Variants in FAM83D observed in about 807,000 individuals in gnomAD.
FAM83D encodes protein FAM83D.
Under a neutral mutation model 25.4 loss-of-function variants are expected in FAM83D, and 26 were observed. That is an observed-to-expected ratio of 1.02 (90% CI 0.75 to 1.42). The LOEUF (loss-of-function observed/expected upper bound fraction) is 1.42. Ranked by LOEUF, FAM83D falls within the 40% of genes most tolerant of loss-of-function variation. FAM83D has a pLI of 0.00. For missense variants in FAM83D, 740 were observed against 758.1 expected, an observed-to-expected ratio of 0.98 and a Z score of 0.28; for synonymous variants, 310 against 318.5, an observed-to-expected ratio of 0.97 and a Z score of 0.28.
rs1051303898 is a variant in FAM83D, at chr20:38,936,095, T to C, written c.484-5864T>C. Among the ~76,000 whole-genome samples, 20 of 151,820 alleles carry C rather than the reference T, an allele frequency of 1.3e-4. 1 individual carries two copies. The highest frequency in any genetic ancestry group is 5.9e-5 in the Non-Finnish European group (4 of 67,962). ...CTGACATTGAGTGGGTGCAGATCTT[T>C]GGTGGAATTCCAAGCATGTTGCACA... On this transcript the variant is annotated intron_variant, in intron 1 of 3. Transcript: ENST00000619850.
At chr20:38,940,887 C>T (rs918974213) in intron 1 of FAM83D, among the ~76,000 whole-genome samples, 6 of 152,202 alleles carry the variant, frequency 3.9e-5, no homozygotes, top group African/African-American at 7.2e-5. Context: ...AATAAACGAG[C>T]AGATACTAAG....
chr20:38,936,182 G>A (rs1030547258), intron 1 of FAM83D, among the ~76,000 whole-genome samples: 1 of 152,144 alleles, frequency 6.6e-6, no homozygotes, highest in African/African-American at 2.4e-5. Flanking sequence ...GTGAGAAGGG[G>A]TGATCGGTAC....
intron 1 of FAM83D, among the ~76,000 whole-genome samples, chr20:38,940,759 A>G (rs732486): frequency 0.15 from 22,880 of 152,072 alleles, 1,899 homozygotes; most frequent in African/African-American, 0.22. Context: ...AGCCTGCAAA[A>G]GGTGTGATTA....
rs374740109 is a variant in FAM83D at position 38,945,585 on chromosome 20, C to T, written c.652-2291C>T. On this transcript the variant is annotated intron_variant, in intron 2 of 3. Transcript: ENST00000619850. Reference sequence around the variant, plus strand: ...CTAATTTACAGACTTATACATTTCCCGGTCGTTCCACTAATGCCCTTTTTT... The same window carrying T: ...CTAATTTACAGACTTATACATTTCCTGGTCGTTCCACTAATGCCCTTTTTT... 1.4e-3 allele frequency among the ~76,000 whole-genome samples: 210 copies of T among 152,220 alleles called. 1 individual carries two copies. In the East Asian group the frequency reaches 0.019, roughly 14 times the overall value.
rs574462769 is a variant in FAM83D at position 38,950,944 on chromosome 20, C to T, written c.777-595C>T. ...AAACAATCCTCCCACCTCAGCCTCC[C>T]GAGTAGCTAGGATTACAGTCATGCA... On this transcript the variant is annotated intron_variant, in intron 3 of 3. Coordinates refer to ENST00000619850, the MANE Select transcript of FAM83D (RefSeq NM_030919.3). Among the ~76,000 whole-genome samples the T allele has an allele frequency of 1.2e-4, 19 of 152,176 alleles. No homozygotes were observed. The East Asian group carries it at 3.3e-3, about 26-fold the overall frequency.
At chr20:38,933,807 C>T (rs745934635) in intron 1 of FAM83D, among the ~76,000 whole-genome samples, 3 of 151,928 alleles carry the variant, frequency 2.0e-5, no homozygotes, top group Non-Finnish European at 4.4e-5. Flanking sequence ...TCTTCATACC[C>T]TCCTTTCCTG....
At chr20:38,926,970 C>G in intron 1 of FAM83D, 45 bp downstream of exon 1, 1 of 1,404,918 alleles carries the variant, frequency 7.1e-7, no homozygotes, top group East Asian at 2.8e-5. Context: ...AGACCCCCTT[C>G]AAGAATGGGA....
rs114124125 is a variant in FAM83D, at chr20:38,941,900, C to T, written c.484-59C>T. 4.8e-4 allele frequency: 739 copies of T among 1,540,504 alleles called. 4 individuals are homozygous for T. The African/African-American group carries it at 8.4e-3, about 17-fold the overall frequency. On this transcript the variant is annotated intron_variant, in intron 1 of 3. Transcript: ENST00000619850. Reference sequence around the variant, plus strand: ...TGAGTGGAGTCCAGAGTCCAGAGAGCGTGCTGTAAGGTGGTGTCCTATAAG... The same window carrying T: ...TGAGTGGAGTCCAGAGTCCAGAGAGTGTGCTGTAAGGTGGTGTCCTATAAG...
intron 2 of FAM83D, among the ~76,000 whole-genome samples, chr20:38,945,966 G>C (rs1473516349): frequency 6.6e-6 from 1 of 151,942 alleles, no homozygotes; most frequent in African/African-American, 2.4e-5. Flanking sequence ...CCAGCACTTT[G>C]GGAGGTTGAG....
intron 1 of FAM83D, among the ~76,000 whole-genome samples, chr20:38,928,212 GA>G (rs966488997): frequency 2.0e-5 from 3 of 152,254 alleles, no homozygotes; most frequent in Non-Finnish European, 4.4e-5. Flanking sequence ...GCCATGTTAA[GA>G]CTTGTTAGGG....
At chr20:38,938,112 A>AG (rs2085686286) in intron 1 of FAM83D, among the ~76,000 whole-genome samples, 1 of 152,250 alleles carries the variant, frequency 6.6e-6, no homozygotes, top group African/African-American at 2.4e-5. Context: ...TCCAACGCAC[A>AG]GGAAAGGGTG....
chr20:38,943,081 G>A (rs1243158516), intron 2 of FAM83D, among the ~76,000 whole-genome samples: 1 of 150,588 alleles, frequency 6.6e-6, no homozygotes, highest in Non-Finnish European at 1.5e-5. Context: ...CTGGAGTACA[G>A]TGGCCCAATC....
chr20:38,926,831 G>A lies in FAM83D; in HGVS notation c.389G>A (p.Arg130His). 1 of 1,534,292 alleles carries A rather than the reference G, an allele frequency of 6.5e-7. No homozygotes were observed. Among genetic ancestry groups the A allele is most frequent in the Non-Finnish European group, 8.7e-7 (1 of 1,145,680 alleles). The change falls in exon 1 of 4, where the codon CGT becomes CAT. Residue 130 changes from arginine to histidine, a missense_variant. This residue lies in a region of FAM83D where 333 missense variants were observed against 298.6 expected (regional missense o/e 1.12). Coordinates refer to ENST00000619850, the MANE Select transcript of FAM83D (RefSeq NM_030919.3). Reference protein sequence around the residue: ...FYQGAYRGATRVETHFQPRGA... With the variant: ...FYQGAYRGATHVETHFQPRGA... ...CAGGGCGCCTACCGCGGCGCCACGC[G>A]TGTCGAGACGCACTTCCAGCCCCGC...
chr20:38,927,711 C>T (rs1395402447), intron 1 of FAM83D, among the ~76,000 whole-genome samples: 1 of 151,988 alleles, frequency 6.6e-6, no homozygotes, highest in African/African-American at 2.4e-5. Context: ...GTTGGCCAAG[C>T]TGGTCTCGAA....
chr20:38,927,414 A>G (rs1050259771), intron 1 of FAM83D, among the ~76,000 whole-genome samples: 3 of 151,998 alleles, frequency 2.0e-5, no homozygotes, highest in African/African-American at 7.3e-5. Flanking sequence ...ATTATTGCTA[A>G]TTACTTTCAT....
intron 3 of FAM83D, 91 bp downstream of exon 3, chr20:38,948,091 A>T: frequency 6.8e-7 from 1 of 1,466,138 alleles, no homozygotes; most frequent in South Asian, 1.3e-5. Context: ...TCTCAATGGG[A>T]GCCTGTATGG....
chr20:38,927,348 G>A (rs527618418), intron 1 of FAM83D, among the ~76,000 whole-genome samples: 6 of 152,224 alleles, frequency 3.9e-5, no homozygotes, highest in African/African-American at 1.4e-4. Flanking sequence ...ACTTACGCAG[G>A]GAAAGTTCCA....
At chr20:38,931,367 G>A (rs570671703) in intron 1 of FAM83D, among the ~76,000 whole-genome samples, 1 of 152,360 alleles carries the variant, frequency 6.6e-6, no homozygotes, top group Non-Finnish European at 1.5e-5. Context: ...AGGTCTCTGA[G>A]TTTAGGTTTT....
chr20:38,942,898 C>G (rs1280770250), intron 2 of FAM83D, among the ~76,000 whole-genome samples: 21 of 152,168 alleles, frequency 1.4e-4, no homozygotes, highest in Admixed American at 1.4e-3. Flanking sequence ...GACCAGCTCC[C>G]TTGTTGAAGG....
Sources: gnomAD v4.1 joint callset for allele counts (sites outside exome capture counted in the v4.1 genomes callset) on GRCh38, gnomAD v4.1.1 for gene constraint, gnomAD v4.1.1 regional missense constraint, MANE v1.5 for transcripts, NCBI Gene and HGNC (gene_info 2026-07-23, HGNC 2026-07-21) for gene names.